Variants in ZFHX3 observed in about 807,000 individuals in gnomAD.
ZFHX3 encodes zinc finger homeobox protein 3.
Under a neutral mutation model 279.1 loss-of-function variants are expected in ZFHX3, and 42 were observed. That is an observed-to-expected ratio of 0.15 (90% CI 0.12 to 0.19). ZFHX3 has a LOEUF of 0.19. ZFHX3 is among the 10% of genes least tolerant of loss of function. The probability of loss-of-function intolerance (pLI) is 1.00; values close to 1 mark genes in which losing one functional copy is unlikely to be tolerated. For missense variants in ZFHX3, 4,981 were observed against 4,754.0 expected, an observed-to-expected ratio of 1.05 and a Z score of -1.40; for synonymous variants, 2,293 against 1,957.8, an observed-to-expected ratio of 1.17 and a Z score of -4.52.
chr16:73,790,716 A>G (rs1236601646), intron 1 of ZFHX3, among the ~76,000 whole-genome samples: 1 of 152,192 alleles, frequency 6.6e-6, no homozygotes, highest in Non-Finnish European at 1.5e-5. Context: ...TTTTGTTGGC[A>G]TGTGAAGCTG....
chr16:73,449,318 A>T (rs757117415), intron 3 of ZFHX3, among the ~76,000 whole-genome samples: 1 of 152,198 alleles, frequency 6.6e-6, no homozygotes, highest in African/African-American at 2.4e-5. Context: ...AGACATTCTT[A>T]GGCATGCGCA....
intron 2 of ZFHX3, among the ~76,000 whole-genome samples, chr16:73,659,941 G>C (rs2052763452): frequency 6.6e-6 from 1 of 152,182 alleles, no homozygotes; most frequent in African/African-American, 2.4e-5. Context: ...GTTGGTCACT[G>C]TAATTACGGA....
At chr16:73,230,205 T>C (rs2062616465) in intron 5 of ZFHX3, among the ~76,000 whole-genome samples, 1 of 152,172 alleles carries the variant, frequency 6.6e-6, no homozygotes, top group Non-Finnish European at 1.5e-5. Flanking sequence ...GAATAGATGC[T>C]AGAGATTGAT....
Position 72,958,253 on chromosome 16 carries a change from A to G in ZFHX3, c.1893T>C (p.Val631=), listed in dbSNP as rs751497310. Residue 631 remains valine, a synonymous_variant, in exon 2 of 10, where the codon GTT becomes GTC. Transcript: ENST00000268489. ...CGCCACTCCCCGAGGGGCACTCCCCAACCCCAAGCTCGCAGAGGGAGCCAG... is the reference window on the plus strand; with the variant it reads ...CGCCACTCCCCGAGGGGCACTCCCCGACCCCAAGCTCGCAGAGGGAGCCAG... ...QHAGSLCELG[V]GECPSGSGVE... is the part of the protein sequence containing the mutation. 1.9e-6 allele frequency: 3 copies of G among 1,613,848 alleles called. No individual in the cohort carries two copies. The Admixed American group carries it at 5.0e-5, about 27-fold the overall frequency.
exon 7 of ZFHX3, chr16:73,131,000 G>A: frequency 1.5e-6 from 2 of 1,305,328 alleles, no homozygotes; most frequent in Non-Finnish European, 2.0e-6. Context: ...GCCTGAGCTG[G>A]TGGCGCTGGT....
At chr16:73,294,091 A>C (rs2014844204) in intron 4 of ZFHX3, 1 of 150,672 alleles carries the variant, frequency 6.6e-6, no homozygotes, top group Non-Finnish European at 1.5e-5. Flanking sequence ...ATACATTTAT[A>C]GTTCGATTAT....
At chr16:72,983,037 T>C (rs549057499) in intron 1 of ZFHX3, among the ~76,000 whole-genome samples, 2 of 152,234 alleles carry the variant, frequency 1.3e-5, no homozygotes, top group East Asian at 1.9e-4. Flanking sequence ...CATATCTATG[T>C]AAAACAGAAA....
intron 1 of ZFHX3, among the ~76,000 whole-genome samples, chr16:73,880,287 C>T (rs953860580): frequency 6.6e-6 from 1 of 151,988 alleles, no homozygotes; most frequent in Non-Finnish European, 1.5e-5. Context: ...GAGAGGGCTG[C>T]GGAGCTATTT....
At chr16:72,855,549 T>G (rs987062030) in intron 4 of ZFHX3, among the ~76,000 whole-genome samples, 4 of 152,246 alleles carry the variant, frequency 2.6e-5, no homozygotes, top group African/African-American at 9.6e-5. Flanking sequence ...GGATTCATTC[T>G]CAGTATATCC....
At chr16:73,766,159 T>G (rs1336563021) in intron 1 of ZFHX3, among the ~76,000 whole-genome samples, 2 of 152,200 alleles carry the variant, frequency 1.3e-5, no homozygotes, top group African/African-American at 4.8e-5. Flanking sequence ...CAATGTCACT[T>G]TAGTCCCTCA....
At chr16:73,786,412 C>A (rs977870619) in intron 1 of ZFHX3, among the ~76,000 whole-genome samples, 9 of 151,946 alleles carry the variant, frequency 5.9e-5, no homozygotes, top group African/African-American at 1.9e-4. Flanking sequence ...TAAAAAAAAA[C>A]TGTTGGAAGC....
At chr16:73,383,666 C>G (rs1424915351) in intron 3 of ZFHX3, among the ~76,000 whole-genome samples, 1 of 143,422 alleles carries the variant, frequency 7.0e-6, no homozygotes, top group Admixed American at 7.5e-5. Context: ...AAAGTGGATC[C>G]GAAGGAACTG....
chr16:72,928,895 G>A (rs1959637136), intron 3 of ZFHX3, among the ~76,000 whole-genome samples: 1 of 152,144 alleles, frequency 6.6e-6, no homozygotes, highest in African/African-American at 2.4e-5. Context: ...CCAGGAGGTT[G>A]AGGCTGCAGT....
chr16:73,053,466 C>G (rs1323797419), intron 1 of ZFHX3, among the ~76,000 whole-genome samples: 2 of 151,766 alleles, frequency 1.3e-5, no homozygotes, highest in Non-Finnish European at 2.9e-5. Flanking sequence ...GTCGTCATTA[C>G]AAGGTTTTTC....
chr16:73,682,900 AAGAAAG>A (rs879393452), intron 1 of ZFHX3, among the ~76,000 whole-genome samples: 8,602 of 34,308 alleles, frequency 0.25, 959 homozygotes, highest in Non-Finnish European at 0.3. Flanking sequence ...GAAAGAAAGA[AAGAAAG>A]AGAAAGAAAG....
intron 5 of ZFHX3, among the ~76,000 whole-genome samples, chr16:72,824,747 T>G (rs1325666173): frequency 6.6e-6 from 1 of 152,250 alleles, no homozygotes; most frequent in Non-Finnish European, 1.5e-5. Context: ...ATTAATTGTA[T>G]ATCACTTAAC....
rs76961020 is a variant in ZFHX3, at chr16:72,800,578, C to T, written c.3865-449G>A. ...GAGCATTGTAGTACTGTTTTCAGAA[C>T]GTATTCAGGCAAGAGGAGGAGGGGA... On this transcript the variant is annotated intron_variant, in intron 7 of 9. Transcript: ENST00000268489. Among the ~76,000 whole-genome samples, 62 of 151,872 alleles carry T rather than the reference C, an allele frequency of 4.1e-4. No individual in the cohort carries two copies. The East Asian group carries it at 0.01, about 25-fold the overall frequency.
intron 1 of ZFHX3, among the ~76,000 whole-genome samples, chr16:73,747,127 A>G (rs772455375): frequency 2.0e-5 from 3 of 152,216 alleles, no homozygotes; most frequent in Admixed American, 1.3e-4. Context: ...AAGGGCTCAC[A>G]CTTGTAATCC....
At chr16:73,185,208 T>G (rs1019543186) in intron 5 of ZFHX3, among the ~76,000 whole-genome samples, 1 of 152,208 alleles carries the variant, frequency 6.6e-6, no homozygotes, top group Non-Finnish European at 1.5e-5. Context: ...AGAATGATGT[T>G]GAGGGCATAG....
Sources: gnomAD v4.1 joint callset for allele counts (sites outside exome capture counted in the v4.1 genomes callset) on GRCh38, gnomAD v4.1.1 for gene constraint, MANE v1.5 for transcripts, NCBI Gene and HGNC (gene_info 2026-07-23, HGNC 2026-07-21) for gene names.